GAP43: variants seen among roughly 807,000 people sequenced by gnomAD.
The protein encoded by GAP43 is neuromodulin.
A neutral mutation model predicts 18.6 loss-of-function variants in GAP43; 6 were observed. That is an observed-to-expected ratio of 0.32 (90% CI 0.18 to 0.64). The LOEUF is 0.64. GAP43 is among the 30% of genes least tolerant of loss of function. The probability of loss-of-function intolerance (pLI) is 0.78; values close to 1 mark genes in which losing one functional copy is unlikely to be tolerated. For missense variants in GAP43, 292 were observed against 295.5 expected (o/e 0.99, Z 0.09); for synonymous variants, 115 against 111.4 (o/e 1.03, Z -0.20).
At chr3:115,645,162 G>T (rs1405507040) in intron 1 of GAP43, among the ~76,000 whole-genome samples, 3 of 151,932 alleles carry the variant, frequency 2.0e-5, no homozygotes, top group African/African-American at 7.2e-5. Flanking sequence ...TCTTTATTTA[G>T]TCCCACTATA....
At chr3:115,667,866 G>T (rs1337395288) in intron 1 of GAP43, among the ~76,000 whole-genome samples, 1 of 152,144 alleles carries the variant, frequency 6.6e-6, no homozygotes, top group Non-Finnish European at 1.5e-5. Context: ...CTGAGTGATG[G>T]GGAGTTCCAC....
intron 2 of GAP43, among the ~76,000 whole-genome samples, chr3:115,683,740 A>G (rs1266593101): frequency 6.6e-6 from 1 of 152,236 alleles, no homozygotes; most frequent in Non-Finnish European, 1.5e-5. Context: ...TCTGATAGAC[A>G]TCTGATAAGC....
chr3:115,672,505 G>C (rs972991152), intron 1 of GAP43, among the ~76,000 whole-genome samples: 4 of 152,090 alleles, frequency 2.6e-5, no homozygotes, highest in African/African-American at 9.7e-5. Context: ...ATTTTACCAA[G>C]AAATAACCTG....
intron 2 of GAP43, among the ~76,000 whole-genome samples, chr3:115,705,596 T>C (rs1304119495): frequency 6.6e-6 from 1 of 152,118 alleles, no homozygotes; most frequent in Non-Finnish European, 1.5e-5. Context: ...AGGGTGACAT[T>C]GTTGAAAATA....
chr3:115,699,239 G>A (rs1022272022), intron 2 of GAP43, among the ~76,000 whole-genome samples: 2 of 152,204 alleles, frequency 1.3e-5, no homozygotes, highest in African/African-American at 4.8e-5. Flanking sequence ...GTCACCACAT[G>A]TGTGAAGTGC....
chr3:115,687,271 T>C (rs1040650340), intron 2 of GAP43, among the ~76,000 whole-genome samples: 3 of 152,186 alleles, frequency 2.0e-5, no homozygotes, highest in South Asian at 2.1e-4. Context: ...TCTCATTTAC[T>C]GTAAGCTGAT....
rs972317918 is a variant in GAP43, at chr3:115,632,184, C to T, written c.30+8465C>T. ...TACCCACCCCCACTTCACCTCCAAA[C>T]TGGGTTCTCAGCACTAAGATGGCCA... On this transcript the variant is annotated intron_variant, in intron 1 of 2. Transcript: ENST00000305124. 3.3e-5 allele frequency among the ~76,000 whole-genome samples: 5 copies of T among 151,986 alleles called. No homozygotes were observed. In the East Asian group the frequency reaches 5.8e-4, roughly 18 times the overall value.
intron 1 of GAP43, among the ~76,000 whole-genome samples, chr3:115,672,921 A>G (rs1708832452): frequency 1.3e-5 from 2 of 152,260 alleles, no homozygotes; most frequent in Middle Eastern, 3.4e-3. Flanking sequence ...GATGAGCTAC[A>G]TGCGTGTGGA....
At chr3:115,683,852 A>G (rs1708998133) in intron 2 of GAP43, among the ~76,000 whole-genome samples, 1 of 152,154 alleles carries the variant, frequency 6.6e-6, no homozygotes, top group African/African-American at 2.4e-5. Context: ...CTCTACATTC[A>G]CAGTCGTTGG....
At chr3:115,669,760 C>T (rs988727280) in intron 1 of GAP43, among the ~76,000 whole-genome samples, 4 of 151,936 alleles carry the variant, frequency 2.6e-5, no homozygotes, top group Admixed American at 2.6e-4. Context: ...GACTGAAGAC[C>T]CATCTTTTGA....
intron 1 of GAP43, among the ~76,000 whole-genome samples, chr3:115,648,471 T>C (rs1708484997): frequency 6.6e-6 from 1 of 152,154 alleles, no homozygotes; most frequent in Admixed American, 6.5e-5. Flanking sequence ...ATAAATATGA[T>C]TATAAGATTT....
Position 115,676,315 on chromosome 3 carries a change from G to T in GAP43, c.333G>T (p.Glu111Asp), listed in dbSNP as rs267599555. Residue 111 changes from glutamate (E) to aspartate (D), a missense_variant, in exon 2 of 3, where the codon GAG becomes GAT. Physicochemically the swap from Glu to Asp is conservative, Grantham distance 45. Coordinates refer to ENST00000305124, the MANE Select transcript of GAP43 (RefSeq NM_002045.4). ...AAGCAGGAGAAACTCCTTCCGAGGAGAAGAAGGGGGAGGGTGATGCTGCCA... is the reference window on the plus strand; with the variant it reads ...AAGCAGGAGAAACTCCTTCCGAGGATAAGAAGGGGGAGGGTGATGCTGCCA... ...PGKAGETPSE[E>D]KKGEGDAATE... The T allele has an allele frequency of 6.2e-7, 1 of 1,614,030 alleles. No individual in the cohort carries two copies. Among genetic ancestry groups the T allele is most frequent in the Admixed American group, 1.7e-5 (1 of 60,012 alleles).
chr3:115,669,809 A>G (rs949916179), intron 1 of GAP43, among the ~76,000 whole-genome samples: 1 of 152,016 alleles, frequency 6.6e-6, no homozygotes, highest in African/African-American at 2.4e-5. Context: ...TTACTACTGC[A>G]GTTTCCAATA....
At chr3:115,639,705 G>A (rs1233109938) in intron 1 of GAP43, among the ~76,000 whole-genome samples, 4 of 152,024 alleles carry the variant, frequency 2.6e-5, no homozygotes, top group Non-Finnish European at 4.4e-5. Context: ...AAAAATGCTA[G>A]TAGATTTTCC....
chr3:115,625,578 G>T (rs1308797382), intron 1 of GAP43, among the ~76,000 whole-genome samples: 2 of 152,044 alleles, frequency 1.3e-5, no homozygotes, highest in Admixed American at 1.3e-4. Context: ...AAATATTCAG[G>T]TTCATAATTT....
At chr3:115,715,914 G>T (rs72945803) in intron 2 of GAP43, among the ~76,000 whole-genome samples, 1 of 152,166 alleles carries the variant, frequency 6.6e-6, no homozygotes, top group East Asian at 1.9e-4. Flanking sequence ...TCTGTCCTAC[G>T]TTGGAATTTA....
chr3:115,634,447 G>A (rs1708304039), intron 1 of GAP43, among the ~76,000 whole-genome samples: 1 of 151,950 alleles, frequency 6.6e-6, no homozygotes, highest in Non-Finnish European at 1.5e-5. Flanking sequence ...TTTTAATAGA[G>A]GCAATTGTCT....
chr3:115,682,421 T>A (rs1174772466), intron 2 of GAP43, among the ~76,000 whole-genome samples: 1 of 152,234 alleles, frequency 6.6e-6, no homozygotes, highest in Admixed American at 6.5e-5. Context: ...AGAATCAGTA[T>A]CTTTTTTATA....
At chr3:115,641,700 T>C (rs975978980) in intron 1 of GAP43, among the ~76,000 whole-genome samples, 2 of 152,116 alleles carry the variant, frequency 1.3e-5, no homozygotes. Flanking sequence ...AGTTGTCACC[T>C]TCTTTGTCTT....
Sources: gnomAD v4.1 joint callset for allele counts (sites outside exome capture counted in the v4.1 genomes callset) on GRCh38, gnomAD v4.1.1 for gene constraint, MANE v1.5 for transcripts, NCBI Gene and HGNC (gene_info 2026-07-23, HGNC 2026-07-21) for gene names.